The following PTPRD variants were observed in gnomAD, a reference collection of about 807,000 sequenced individuals.
PTPRD encodes protein tyrosine phosphatase receptor type D, also known as receptor-type tyrosine-protein phosphatase delta.
Under a neutral mutation model 214.5 loss-of-function variants are expected in PTPRD, and 34 were observed. That is an observed-to-expected ratio of 0.16 (90% CI 0.12 to 0.21). The LOEUF (loss-of-function observed/expected upper bound fraction) is 0.21. Ranked by LOEUF, PTPRD falls within the 10% of genes least tolerant of loss-of-function variation. The pLI is 1.00. For synonymous variants in PTPRD, 1,128 were observed against 845.7 expected, an observed-to-expected ratio of 1.33 and a Z score of -5.79; for missense variants, 2,545 against 2,398.7, an observed-to-expected ratio of 1.06 and a Z score of -1.27.
chr9:8,964,823 G>A (rs1348915682), intron 11 of PTPRD, among the ~76,000 whole-genome samples: 1 of 152,094 alleles, frequency 6.6e-6, no homozygotes, highest in Non-Finnish European at 1.5e-5. Flanking sequence ...AAGTCATTCA[G>A]AAAAAATTAA....
intron 9 of PTPRD, among the ~76,000 whole-genome samples, chr9:9,317,623 A>G (rs1028873592): frequency 1.1e-4 from 17 of 151,884 alleles, no homozygotes; most frequent in Non-Finnish European, 1.5e-5. Context: ...TAGAGCTTAT[A>G]CTCCACATTG....
At chr9:8,760,079 C>T (rs564324627) in intron 11 of PTPRD, among the ~76,000 whole-genome samples, 3 of 152,238 alleles carry the variant, frequency 2.0e-5, no homozygotes, top group Admixed American at 6.5e-5. Flanking sequence ...TACAGGCGTG[C>T]GCCACAACGC....
At chr9:10,428,313 A>T (rs2098644086) in intron 2 of PTPRD, among the ~76,000 whole-genome samples, 1 of 151,994 alleles carries the variant, frequency 6.6e-6, no homozygotes, top group South Asian at 2.1e-4. Context: ...TCTTGGGGGA[A>T]AAAAAATCAT....
intron 9 of PTPRD, among the ~76,000 whole-genome samples, chr9:9,322,289 C>G (rs1342730720): frequency 1.3e-5 from 2 of 152,176 alleles, no homozygotes; most frequent in African/African-American, 4.8e-5. Flanking sequence ...CTACTGATTA[C>G]TGGGCATTTG....
At chr9:9,277,532 A>G (rs746692736) in intron 9 of PTPRD, among the ~76,000 whole-genome samples, 2 of 151,338 alleles carry the variant, frequency 1.3e-5, no homozygotes, top group African/African-American at 2.4e-5. Context: ...TTTATATATG[A>G]TTATACAGAA....
chr9:9,704,181 C>G (rs2097553409), intron 7 of PTPRD, among the ~76,000 whole-genome samples: 2 of 152,244 alleles, frequency 1.3e-5, no homozygotes, highest in South Asian at 4.1e-4. Context: ...CCTTCAAACT[C>G]AAGTACAGCA....
intron 3 of PTPRD, among the ~76,000 whole-genome samples, chr9:10,136,738 G>T: frequency 1.3e-5 from 1 of 78,562 alleles, no homozygotes; most frequent in Non-Finnish European, 2.4e-5. Flanking sequence ...CACAGCAAAA[G>T]AAACTACCAT....
intron 11 of PTPRD, among the ~76,000 whole-genome samples, chr9:8,841,011 T>G (rs994003699): frequency 6.6e-6 from 1 of 152,168 alleles, no homozygotes; most frequent in Non-Finnish European, 1.5e-5. Flanking sequence ...TCAAGTTCTG[T>G]GTTATGACCT....
intron 3 of PTPRD, among the ~76,000 whole-genome samples, chr9:10,125,436 T>TTATTAG (rs2098809990): frequency 1.1e-5 from 1 of 90,128 alleles, no homozygotes; most frequent in African/African-American, 4.6e-5. Context: ...ATTATTATTA[T>TTATTAG]TATTATTATT....
chr9:9,616,765 T>G (rs2094894568), intron 7 of PTPRD, among the ~76,000 whole-genome samples: 1 of 152,138 alleles, frequency 6.6e-6, no homozygotes, highest in Admixed American at 6.6e-5. Context: ...ACCATAAAAG[T>G]AGCCAACCAA....
At chr9:10,124,797 A>G (rs1323426052) in intron 3 of PTPRD, among the ~76,000 whole-genome samples, 2 of 152,328 alleles carry the variant, frequency 1.3e-5, no homozygotes, top group South Asian at 2.1e-4. Flanking sequence ...TTTTATTTAC[A>G]TCATCATTTC....
intron 11 of PTPRD, among the ~76,000 whole-genome samples, chr9:8,909,389 CA>C (rs1406351584): frequency 6.6e-6 from 1 of 152,090 alleles, no homozygotes; most frequent in Non-Finnish European, 1.5e-5. Context: ...AATCTACCCA[CA>C]TAAAAATGAA....
chr9:8,949,339 T>G (rs1161728207), intron 11 of PTPRD, among the ~76,000 whole-genome samples: 2 of 152,162 alleles, frequency 1.3e-5, no homozygotes, highest in African/African-American at 4.8e-5. Context: ...TGTCTTATTA[T>G]TTTTAAAGAC....
chr9:10,395,148 C>T (rs887776304), intron 2 of PTPRD, among the ~76,000 whole-genome samples: 4 of 151,092 alleles, frequency 2.6e-5, no homozygotes, highest in African/African-American at 9.7e-5. Flanking sequence ...ATGTGCACAG[C>T]CTGCAGGTTT....
At chr9:9,364,718 T>A (rs1320170535) in intron 9 of PTPRD, among the ~76,000 whole-genome samples, 1 of 151,454 alleles carries the variant, frequency 6.6e-6, no homozygotes, top group East Asian at 1.9e-4. Context: ...CCCATTTATA[T>A]AAAGACCTTT....
intron 11 of PTPRD, among the ~76,000 whole-genome samples, chr9:8,753,487 A>G (rs6477352): frequency 0.051 from 7,704 of 152,274 alleles, 484 homozygotes; most frequent in African/African-American, 0.15. Context: ...ATTTTGAACA[A>G]TCTGTCTGTG....
rs192986401 is a variant in PTPRD at position 10,200,411 on chromosome 9, T to G, written c.-545+140552A>C. ...GAAGGAAGATGCTATTGACAGTTAATAGAGGCCAGGAATGCTGCTAAACAT... is the reference window on the plus strand; with the variant it reads ...GAAGGAAGATGCTATTGACAGTTAAGAGAGGCCAGGAATGCTGCTAAACAT... On this transcript the variant is annotated intron_variant, in intron 3 of 45. Coordinates refer to ENST00000381196, the MANE Select transcript of PTPRD (RefSeq NM_002839.4). Among the ~76,000 whole-genome samples, 8 of 152,194 alleles carry G rather than the reference T, an allele frequency of 5.3e-5. No individual in the cohort carries two copies. In the East Asian group the frequency reaches 1.5e-3, roughly 29 times the overall value.
chr9:10,047,151 G>A (rs2097416587), intron 3 of PTPRD, among the ~76,000 whole-genome samples: 1 of 151,784 alleles, frequency 6.6e-6, no homozygotes, highest in Non-Finnish European at 1.5e-5. Context: ...ATTATTTTGT[G>A]AACATAAAAT....
intron 9 of PTPRD, among the ~76,000 whole-genome samples, chr9:9,255,362 T>C (rs1205352350): frequency 2.6e-5 from 4 of 152,070 alleles, no homozygotes; most frequent in Non-Finnish European, 5.9e-5. Context: ...CCAGAAGATA[T>C]TCAATTGTTT....
Sources: allele counts gnomAD v4.1 joint callset (sites outside exome capture counted in the v4.1 genomes callset), GRCh38; gene constraint gnomAD v4.1.1; transcripts MANE v1.5; gene names NCBI Gene and HGNC (gene_info 2026-07-23, HGNC 2026-07-21).